SNX15: variants seen among roughly 807,000 people sequenced by gnomAD.
SNX15 encodes sorting nexin-15.
In SNX15, 29 loss-of-function variants were observed where a neutral mutation model predicts 35.2. The ratio of observed to expected loss-of-function variants is 0.82; its 90% CI spans 0.61 to 1.12. The LOEUF (loss-of-function observed/expected upper bound fraction) is 1.12. SNX15 is among the 50% of genes most tolerant of loss of function. The pLI is 0.00. For synonymous variants in SNX15, 189 were observed against 188.2 expected, an observed-to-expected ratio of 1.00 and a Z score of -0.03; for missense variants, 400 against 451.5, an observed-to-expected ratio of 0.89 and a Z score of 1.03.
intron 6 of SNX15, 72 bp from the exon 7 acceptor site, chr11:65,038,500 G>A (rs2136941497): frequency 6.7e-7 from 1 of 1,489,270 alleles, no homozygotes; most frequent in African/African-American, 1.4e-5. Context: ...GACAAAAGAA[G>A]TCTTGGGGTT....
Position 65,035,681 on chromosome 11 carries a change from C to G in SNX15, c.664+18C>G. ...CAAGGAAGGTAATGAGCTGGGACAG[C>G]CGGGAAGGAGCCAGGGCAGGACGTC... On this transcript the variant is annotated intron_variant, in intron 6 of 7. Transcript: ENST00000377244. 6.3e-7 allele frequency: 1 copy of G among 1,588,138 alleles called. No individual in the cohort carries two copies. The highest frequency in any genetic ancestry group is 8.6e-7 in the Non-Finnish European group (1 of 1,167,410).
At position 65,032,673 on chromosome 11, in the gene SNX15, G is replaced by T. The variant is rs927138397; in HGVS notation, c.256+122G>T. The T allele has an allele frequency of 6.6e-6, 8 of 1,210,168 alleles. No individual in the cohort carries two copies. The African/African-American group carries it at 1.2e-4, about 18-fold the overall frequency. 75.0% of individuals were successfully genotyped at this position (1,210,168 alleles called of 1,614,324 possible). ...CCCTGGGCAGAGTCATGTTTGGAAG[G>T]GCCCTTAGAGATGACCTCATTTGAC... On this transcript the variant is annotated intron_variant, in intron 3 of 7. Transcript: ENST00000377244.
chr11:65,030,167 C>T (rs1207454094), intron 1 of SNX15, among the ~76,000 whole-genome samples: 1 of 151,868 alleles, frequency 6.6e-6, no homozygotes, highest in Admixed American at 6.6e-5. Flanking sequence ...CCATTCTGGC[C>T]AACATGGTGA....
At position 65,039,751 on chromosome 11, in the gene SNX15, G is replaced by A; in HGVS notation, c.988G>A (p.Glu330Lys). Reference sequence around the variant, plus strand: ...GGCAGCTGAGTACCTGAAGCGGGCAGAGGAGATCCTGCGCCTGCACCTGTC... The same window carrying A: ...GGCAGCTGAGTACCTGAAGCGGGCAAAGGAGATCCTGCGCCTGCACCTGTC... ...KKAAEYLKRA[E>K]EILRLHLSQL... Residue 330 changes from glutamate to lysine, a missense_variant, in exon 8 of 8, where the codon GAG becomes AAG. Transcript: ENST00000377244. The A allele has an allele frequency of 6.2e-7, 1 of 1,613,624 alleles. No homozygotes were observed. The highest frequency in any genetic ancestry group is 8.5e-7 in the Non-Finnish European group (1 of 1,179,830).
rs549290610 is a variant in SNX15, at chr11:65,027,718, C to G, written c.99+82C>G. ...ACCTTAAGGAAAGGCGGTGCAGCCA[C>G]TGCTCCCTTTTTAGACGACAGAAAT... is the stretch of plus-strand genomic sequence containing the variant. On this transcript the variant is annotated intron_variant, in intron 1 of 7. Transcript: ENST00000377244. The G allele has an allele frequency of 1.6e-5, 16 of 1,029,112 alleles. No homozygotes were observed. In the East Asian group the frequency reaches 3.2e-4, roughly 20 times the overall value. 63.7% of individuals were successfully genotyped at this position (1,029,112 alleles called of 1,614,324 possible). A position where few individuals can be genotyped will look rare whatever the true frequency, so the allele number is the denominator to read the frequency against.
In SNX15 at chr11:65,027,580, G is replaced by C; in HGVS notation, c.43G>C (p.Val15Leu). The change falls in exon 1 of 8, where the codon GTG becomes CTG. Residue 15 changes from valine (V) to leucine (L), a missense_variant. Physicochemically the swap from Val to Leu is conservative, Grantham distance 32 (BLOSUM62 1). Transcript: ENST00000377244. Reference sequence around the variant, plus strand: ...GGATGACTTCCTGCGGCACTACACAGTGTCGGACCCCAGGACTCACCCCAA... The same window carrying C: ...GGATGACTTCCTGCGGCACTACACACTGTCGGACCCCAGGACTCACCCCAA... ...AKDDFLRHYT[V>L]SDPRTHPKGY... 6.2e-7 allele frequency: 1 copy of C among 1,614,122 alleles called. No homozygotes were observed. Among genetic ancestry groups the C allele is most frequent in the Non-Finnish European group, 8.5e-7 (1 of 1,180,036 alleles).
intron 6 of SNX15, chr11:65,037,206 T>G (rs1457215818): frequency 6.6e-6 from 1 of 152,070 alleles, no homozygotes; most frequent in Non-Finnish European, 1.5e-5. Flanking sequence ...CCTTTTTAAT[T>G]TTTTTATTTT....
Position 65,034,981 on chromosome 11 carries a change from T to C in SNX15, c.372+19T>C, listed in dbSNP as rs1474466762. The C allele has an allele frequency of 1.2e-5, 19 of 1,613,202 alleles. No individual in the cohort carries two copies. Among genetic ancestry groups the C allele is most frequent in the Non-Finnish European group, 1.5e-5 (18 of 1,179,440 alleles). On this transcript the variant is annotated intron_variant, in intron 4 of 7. Coordinates refer to ENST00000377244, the MANE Select transcript of SNX15 (RefSeq NM_013306.5). The stretch of plus-strand genomic sequence containing the variant: ...CTTCCGGGTATGTGCACCTTCCACC[T>C]TCCCAGAACTTGGGCCACTTACCCA...
At chr11:65,032,088 A>G in intron 1 of SNX15, 80 bp from the exon 2 acceptor site, 1 of 1,396,638 alleles carries the variant, frequency 7.2e-7, no homozygotes, top group South Asian at 1.2e-5. Flanking sequence ...GGGGACTAGG[A>G]GGCACCTGGG....
intron 7 of SNX15, among the ~76,000 whole-genome samples, chr11:65,039,417 T>C (rs1366404165): frequency 6.6e-6 from 1 of 151,732 alleles, no homozygotes; most frequent in Non-Finnish European, 1.5e-5. Context: ...AGAGATGGGC[T>C]TTCACCATGT....
chr11:65,030,129 G>A (rs1343086930), intron 1 of SNX15, among the ~76,000 whole-genome samples: 1 of 152,028 alleles, frequency 6.6e-6, no homozygotes, highest in Non-Finnish European at 1.5e-5. Flanking sequence ...GGCCAAGGCG[G>A]GTGGATCATG....
intron 6 of SNX15, 177 bp from the exon 7 acceptor site, chr11:65,038,395 A>G (rs1946527595): frequency 1.7e-6 from 2 of 1,149,528 alleles, no homozygotes; most frequent in Admixed American, 3.7e-5. Context: ...AACCCTATCG[A>G]TCAAATAGCT....
chr11:65,027,786 T>C (rs1002319951), intron 1 of SNX15, 150 bp downstream of exon 1: 3 of 625,856 alleles, frequency 4.8e-6, no homozygotes, highest in East Asian at 2.9e-5. Flanking sequence ...AGGCTTAGTT[T>C]ACATCTTTAA....
At position 65,038,614 on chromosome 11, in the gene SNX15, C is replaced by G; in HGVS notation, c.707C>G (p.Thr236Arg). The change falls in exon 7 of 8, where the codon ACG becomes AGG. Residue 236 changes from threonine to arginine, a missense_variant. Coordinates refer to ENST00000377244, the MANE Select transcript of SNX15 (RefSeq NM_013306.5). The part of the protein sequence containing the change: ...PSPTHVAELA[T>R]MEVESARLDQ... ...CCCACCCATGTGGCTGAGCTGGCAA[C>G]GATGGAGGTGGAGTCTGCAAGGCTG... 1 of 1,596,748 alleles carries G rather than the reference C, an allele frequency of 6.3e-7. No homozygotes were observed. The highest frequency in any genetic ancestry group is 1.1e-5 in the South Asian group (1 of 89,146).
intron 1 of SNX15, 100 bp downstream of exon 1, chr11:65,027,736 A>C: frequency 2.3e-6 from 2 of 864,050 alleles, no homozygotes; most frequent in Non-Finnish European, 3.8e-6. Flanking sequence ...TTTTTAGACG[A>C]CAGAAATGGG....
At chr11:65,030,363 T>TC (rs1034547569) in intron 1 of SNX15, among the ~76,000 whole-genome samples, 2 of 145,404 alleles carry the variant, frequency 1.4e-5, no homozygotes, top group African/African-American at 5.1e-5. Flanking sequence ...CAAAAAAAAA[T>TC]TTTTTTTTTT....
At chr11:65,039,569 C>T (rs1565203199) in intron 7 of SNX15, 117 bp from the exon 8 acceptor site, 11 of 633,596 alleles carry the variant, frequency 1.7e-5, no homozygotes, top group African/African-American at 5.5e-5. Flanking sequence ...GATGCTGGGC[C>T]CCAGAGAGGA....
rs771422309 is a variant in SNX15 at position 65,034,960 on chromosome 11, C to T, written c.370C>T (p.Arg124Trp). Reference protein sequence around the residue: ...NNSPQLKEFFRGGEVTRPLEV... With the variant: ...NNSPQLKEFFWGGEVTRPLEV... Reference sequence around the variant, plus strand: ...CAGCCCCCAGCTCAAGGAGTTCTTCCGGGTATGTGCACCTTCCACCTTCCC... The same window carrying T: ...CAGCCCCCAGCTCAAGGAGTTCTTCTGGGTATGTGCACCTTCCACCTTCCC... The change falls in exon 4 of 8, where the codon CGG becomes TGG. Residue 124 changes from arginine to tryptophan, a missense_variant and splice_region_variant. Transcript: ENST00000377244. 6.8e-6 allele frequency: 11 copies of T among 1,613,764 alleles called. No homozygotes were observed. Among genetic ancestry groups the T allele is most frequent in the Middle Eastern group, 1.6e-4 (1 of 6,080 alleles).
At chr11:65,035,740 C>A in intron 6 of SNX15, 77 bp downstream of exon 6, 1 of 1,459,950 alleles carries the variant, frequency 6.8e-7, no homozygotes, top group Non-Finnish European at 9.3e-7. Flanking sequence ...GCCCCACTAG[C>A]CTGCTCAGTG....
Sources: allele counts gnomAD v4.1 joint callset (sites outside exome capture counted in the v4.1 genomes callset), GRCh38; gene constraint gnomAD v4.1.1; transcripts MANE v1.5; gene names NCBI Gene and HGNC (gene_info 2026-07-23, HGNC 2026-07-21).